CRTC1: variants seen among roughly 807,000 people sequenced by gnomAD.
The protein encoded by CRTC1 is CREB regulated transcription coactivator 1.
Under a neutral mutation model 66.1 loss-of-function variants are expected in CRTC1, and 18 were observed. That is an observed-to-expected ratio of 0.27 (90% CI 0.19 to 0.40). CRTC1 has a LOEUF of 0.40. Among genes scored for constraint, CRTC1 ranks in the 10% least tolerant of loss-of-function variants. The probability of loss-of-function intolerance (pLI) is 1.00; values close to 1 mark genes in which losing one functional copy is unlikely to be tolerated. For missense variants in CRTC1, 669 were observed against 887.9 expected (o/e 0.75, Z 3.13); for synonymous variants, 416 against 398.8 (o/e 1.04, Z -0.51).
chr19:18,756,192 G>A (rs141713946), intron 6 of CRTC1, among the ~76,000 whole-genome samples: 4,118 of 152,128 alleles, frequency 0.027, 195 homozygotes, highest in African/African-American at 0.094. Context: ...AATTAGCCAG[G>A]TGTGGTGGCA....
chr19:18,761,742 G>A (rs1392007337), intron 8 of CRTC1, among the ~76,000 whole-genome samples: 1 of 152,184 alleles, frequency 6.6e-6, no homozygotes. Flanking sequence ...GAGCCTGGAG[G>A]CGTTCCTGGC....
At chr19:18,699,184 C>G (rs1460772904) in intron 1 of CRTC1, among the ~76,000 whole-genome samples, 4 of 152,234 alleles carry the variant, frequency 2.6e-5, no homozygotes, top group African/African-American at 7.2e-5. Flanking sequence ...CTCATAGAAG[C>G]AGGTGCTCTC....
intron 1 of CRTC1, among the ~76,000 whole-genome samples, chr19:18,723,622 TCA>T (rs1416698767): frequency 6.6e-6 from 1 of 152,148 alleles, no homozygotes; most frequent in African/African-American, 2.4e-5. Flanking sequence ...TGGGCTTGCG[TCA>T]CATTAGATAA....
intron 9 of CRTC1, among the ~76,000 whole-genome samples, chr19:18,766,287 A>ATTTTTTTTTT (rs1020411277): frequency 9.1e-6 from 1 of 109,678 alleles, no homozygotes; most frequent in Non-Finnish European, 1.8e-5. Flanking sequence ...TGCCTGGCTA[A>ATTTTTTTTTT]TTTTTTTTTT....
At chr19:18,736,558 C>T (rs1019627226) in intron 1 of CRTC1, among the ~76,000 whole-genome samples, 3 of 152,170 alleles carry the variant, frequency 2.0e-5, no homozygotes, top group Middle Eastern at 3.4e-3. Flanking sequence ...CAGTGCTGGG[C>T]AGCGGTGGGC....
intron 9 of CRTC1, among the ~76,000 whole-genome samples, chr19:18,767,696 T>C (rs1600998174): frequency 6.6e-6 from 1 of 152,366 alleles, no homozygotes; most frequent in African/African-American, 2.4e-5. Context: ...TCCTGGCAGC[T>C]GTGTCTTCAG....
rs1049363860 is a variant in CRTC1, at chr19:18,741,417, G to A, written c.127-1493G>A. Among the ~76,000 whole-genome samples the A allele has an allele frequency of 5.3e-5, 8 of 152,238 alleles. No individual in the cohort carries two copies. On this transcript the variant is annotated intron_variant, in intron 1 of 13. Transcript: ENST00000321949. The surrounding 1 kb of genome is among the most constrained non-coding windows in gnomAD (Gnocchi z 4.2). ...CTCTAGGTCGGGGACACAGGTCCAG[G>A]AGGGGTCACAGCCTTTAGGGCCATA...
chr19:18,747,145 C>G, intron 4 of CRTC1, 31 bp downstream of exon 4: 1 of 1,136,060 alleles, frequency 8.8e-7, no homozygotes, highest in Non-Finnish European at 1.2e-6. Flanking sequence ...CCCCCGCCCC[C>G]TTCTTGTTGG....
At chr19:18,699,912 T>G (rs1307094686) in intron 1 of CRTC1, among the ~76,000 whole-genome samples, 1 of 151,796 alleles carries the variant, frequency 6.6e-6, no homozygotes, top group Non-Finnish European at 1.5e-5. Context: ...AGGGCAGGTG[T>G]CCCCCGGAGA....
rs755652808 is a variant in CRTC1 at position 18,749,865 on chromosome 19, C to T, written c.528C>T (p.His176=). The T allele has an allele frequency of 1.9e-6, 3 of 1,613,620 alleles. 1 individual carries two copies. The highest frequency in any genetic ancestry group is 2.5e-6 in the Non-Finnish European group (3 of 1,179,734). The stretch of plus-strand genomic sequence containing the variant: ...TTAGCAGTGGGTCCCAGGACGTGCA[C>T]CAGAAAAGAGGTATGGACAGGGGAC... ...ESFSSGSQDV[H]QKRVLLLTVP... The change falls in exon 5 of 14, where the codon CAC becomes CAT. Residue 176 remains histidine (H), a synonymous_variant. Transcript: ENST00000321949.
At chr19:18,732,378 C>A (rs2053909911) in intron 1 of CRTC1, among the ~76,000 whole-genome samples, 1 of 152,226 alleles carries the variant, frequency 6.6e-6, no homozygotes, top group East Asian at 1.9e-4. Flanking sequence ...AAGGTTGGCC[C>A]CCCAGGGCCA....
At chr19:18,763,848 C>T (rs963138065) in intron 8 of CRTC1, among the ~76,000 whole-genome samples, 3 of 152,212 alleles carry the variant, frequency 2.0e-5, no homozygotes, top group African/African-American at 4.8e-5. Context: ...GAGCATCTCT[C>T]GGCCTGCTGG....
At chr19:18,710,120 G>T (rs1000899366) in intron 1 of CRTC1, among the ~76,000 whole-genome samples, 5 of 151,948 alleles carry the variant, frequency 3.3e-5, no homozygotes, top group Non-Finnish European at 7.4e-5. Context: ...CCTGCCTGGA[G>T]TGCTCTTCCC....
At chr19:18,721,860 G>T (rs2145632015) in intron 1 of CRTC1, among the ~76,000 whole-genome samples, 1 of 152,320 alleles carries the variant, frequency 6.6e-6, no homozygotes, top group East Asian at 1.9e-4. Flanking sequence ...ACATGGCTAT[G>T]TGTTTCCAGG....
chr19:18,743,062 G>T (rs754013603), intron 2 of CRTC1, 36 bp downstream of exon 2: 6 of 1,527,328 alleles, frequency 3.9e-6, no homozygotes, highest in Non-Finnish European at 4.5e-6. Flanking sequence ...CCCCATTGTG[G>T]GGAGCTTCCC....
chr19:18,780,783 C>T lies in CRTC1; in HGVS notation c.*3401C>T, dbSNP rs2055087690. ...GGCTCAAGCAGTCCTCCCTCCTCGG[C>T]CTCCCAAAGTTCTGGGGCTACAGGT... On this transcript the variant is annotated 3_prime_UTR_variant, in exon 14 of 14. Coordinates refer to ENST00000321949, the MANE Select transcript of CRTC1 (RefSeq NM_015321.3). 1 of 220,882 alleles carries T rather than the reference C, an allele frequency of 4.5e-6. No homozygotes were observed. The highest frequency in any genetic ancestry group is 9.1e-6 in the Non-Finnish European group (1 of 110,154). 13.7% of individuals were successfully genotyped at this position (220,882 alleles called of 1,614,324 possible).
intron 12 of CRTC1, 105 bp downstream of exon 12, chr19:18,775,091 G>C: frequency 8.8e-7 from 1 of 1,136,982 alleles, no homozygotes. Flanking sequence ...ACGTGCTCGG[G>C]GGGCCCGTGC....
intron 6 of CRTC1, among the ~76,000 whole-genome samples, chr19:18,754,609 G>T (rs904180939): frequency 6.6e-6 from 1 of 152,172 alleles, no homozygotes. Context: ...TTTTTTAAAG[G>T]TATTTTCCAG....
chr19:18,715,173 C>T (rs1039415210), intron 1 of CRTC1, among the ~76,000 whole-genome samples: 1 of 152,248 alleles, frequency 6.6e-6, no homozygotes, highest in African/African-American at 2.4e-5. Context: ...CCGCATCACT[C>T]CAGTCTCTGC....
Sources: gnomAD v4.1 joint callset for allele counts (sites outside exome capture counted in the v4.1 genomes callset) on GRCh38, gnomAD v4.1.1 for gene constraint, Gnocchi (gnomAD v3.1) non-coding constraint, MANE v1.5 for transcripts, NCBI Gene and HGNC (gene_info 2026-07-23, HGNC 2026-07-21) for gene names.